Variants in CWC22 observed in about 807,000 individuals in gnomAD.
CWC22 encodes pre-mRNA-splicing factor CWC22 homolog.
CWC22 carries 53 observed loss-of-function variants against 117.2 expected under a neutral mutation model. The ratio of observed to expected loss-of-function variants is 0.45; its 90% CI spans 0.36 to 0.57. The LOEUF is 0.57. CWC22 is among the 20% of genes least tolerant of loss of function. The probability of loss-of-function intolerance (pLI) is 0.00; values close to 1 mark genes in which losing one functional copy is unlikely to be tolerated. For synonymous variants in CWC22, 360 were observed against 355.6 expected (o/e 1.01, Z -0.14); for missense variants, 980 against 1,068.8 (o/e 0.92, Z 1.16).
intron 4 of CWC22, among the ~76,000 whole-genome samples, chr2:179,982,747 C>A (rs1687316821): frequency 6.6e-6 from 1 of 152,096 alleles, no homozygotes; most frequent in African/African-American, 2.4e-5. Flanking sequence ...TTAAAACAAT[C>A]AAGGTACAGT....
At chr2:179,998,270 G>A (rs1199653264) in intron 1 of CWC22, among the ~76,000 whole-genome samples, 1 of 152,132 alleles carries the variant, frequency 6.6e-6, no homozygotes, top group African/African-American at 2.4e-5. Flanking sequence ...AAGGGAAACA[G>A]AAAATCCAAA....
intron 8 of CWC22, among the ~76,000 whole-genome samples, chr2:179,971,713 A>C (rs1186068993): frequency 6.6e-6 from 1 of 152,212 alleles, no homozygotes; most frequent in East Asian, 1.9e-4. Flanking sequence ...GTGGGAATAA[A>C]ATTCTATTGA....
intron 12 of CWC22, 60 bp from the exon 13 acceptor site, chr2:179,964,688 T>C: frequency 1.3e-6 from 1 of 795,072 alleles, no homozygotes; most frequent in Non-Finnish European, 2.1e-6. Context: ...AGTTAAAATG[T>C]AACTCTGTAT....
At chr2:179,970,271 T>C (rs543779031) in intron 11 of CWC22, among the ~76,000 whole-genome samples, 27 of 152,046 alleles carry the variant, frequency 1.8e-4, no homozygotes, top group Non-Finnish European at 3.7e-4. Flanking sequence ...TGTTGCATAG[T>C]TTAGAGGGAA....
chr2:179,960,697 C>T (rs540394819), intron 13 of CWC22, among the ~76,000 whole-genome samples: 5 of 152,048 alleles, frequency 3.3e-5, no homozygotes, highest in East Asian at 1.9e-4. Context: ...CTGGCCACAT[C>T]GTCCCAGAAG....
In CWC22 at chr2:180,005,310, G is replaced by A; in HGVS notation, c.-114+1557C>T. On this transcript the variant is annotated intron_variant, in intron 1 of 19. Coordinates refer to ENST00000410053, the MANE Select transcript of CWC22 (RefSeq NM_020943.3). ...ACTAGGACACTAGCCGGGAGCGGTG[G>A]CTCACGCCTGTAATCCCAGCACTTT... 1.3e-5 allele frequency among the ~76,000 whole-genome samples: 2 copies of A among 152,222 alleles called. 1 individual carries two copies. Among genetic ancestry groups the A allele is most frequent in the Admixed American group, 1.3e-4 (2 of 15,288 alleles).
intron 1 of CWC22, 143 bp downstream of exon 1, chr2:180,006,724 G>C (rs965898629): frequency 6.6e-5 from 10 of 152,288 alleles, no homozygotes; most frequent in African/African-American, 2.4e-4. Context: ...GGACTCCAGA[G>C]GCTCTAAGTA....
chr2:180,003,207 C>T (rs141129939), intron 1 of CWC22, among the ~76,000 whole-genome samples: 191 of 152,304 alleles, frequency 1.3e-3, no homozygotes, highest in Non-Finnish European at 2.0e-3. Flanking sequence ...GATGCCACCC[C>T]CTATTAGTCT....
intron 15 of CWC22, 118 bp downstream of exon 15, chr2:179,954,839 A>C: frequency 1.5e-6 from 1 of 645,606 alleles, no homozygotes; most frequent in Non-Finnish European, 2.7e-6. Flanking sequence ...GAAGGAGAGA[A>C]TAATTTGCTT....
intron 14 of CWC22, among the ~76,000 whole-genome samples, chr2:179,956,463 G>A (rs1484169076): frequency 6.6e-6 from 1 of 151,612 alleles, no homozygotes; most frequent in Non-Finnish European, 1.5e-5. Context: ...CATCAGTACA[G>A]GAAGTTGTAT....
chr2:179,976,820 G>A (rs1687165222), intron 6 of CWC22, among the ~76,000 whole-genome samples: 1 of 152,122 alleles, frequency 6.6e-6, no homozygotes, highest in African/African-American at 2.4e-5. Flanking sequence ...AATTAGTACA[G>A]CCATTATGAA....
intron 19 of CWC22, among the ~76,000 whole-genome samples, chr2:179,948,453 AAG>A (rs1296314938): frequency 2.0e-5 from 3 of 152,140 alleles, no homozygotes; most frequent in African/African-American, 7.2e-5. Flanking sequence ...CTGGAGGAAA[AAG>A]AGATTTGCAT....
Position 179,945,597 on chromosome 2 carries a change from G to C in CWC22, c.2259C>G (p.His753Gln). 1 of 1,613,324 alleles carries C rather than the reference G, an allele frequency of 6.2e-7. No individual in the cohort carries two copies. Among genetic ancestry groups the C allele is most frequent in the Non-Finnish European group, 8.5e-7 (1 of 1,179,632 alleles). ...TTTCTCTCTCAGTCCTTGTTTCCTGGTGCCCGTGTTCTTGTCTTCTTTCTT... is the reference window on the plus strand; with the variant it reads ...TTTCTCTCTCAGTCCTTGTTTCCTGCTGCCCGTGTTCTTGTCTTCTTTCTT... ...KQKERRQEHGHQETRTERERR... is the reference protein window; with the variant it reads ...KQKERRQEHGQQETRTERERR... Residue 753 changes from histidine (H) to glutamine (Q), a missense_variant, in exon 20 of 20, where the codon CAC becomes CAG. By Grantham distance (24) the His-to-Gln change is conservative (BLOSUM62 0). Around this residue, in one of 3 missense-constraint regions of CWC22, gnomAD observed 306 missense variants for 296.8 expected, o/e 1.03. Transcript: ENST00000410053.
At chr2:179,963,240 GACAA>G (rs1219506328) in intron 13 of CWC22, among the ~76,000 whole-genome samples, 4 of 149,330 alleles carry the variant, frequency 2.7e-5, no homozygotes, top group Admixed American at 6.7e-5. Context: ...TTTCTAAAAG[GACAA>G]ACAAATGAAA....
intron 1 of CWC22, among the ~76,000 whole-genome samples, chr2:180,000,336 T>C (rs892122697): frequency 1.3e-4 from 20 of 152,118 alleles, no homozygotes; most frequent in African/African-American, 4.3e-4. Context: ...GCTCTGAAAA[T>C]ACAAAGATTA....
chr2:179,984,472 T>C lies in CWC22; in HGVS notation c.206+2223A>G, dbSNP rs188547794. Reference sequence around the variant, plus strand: ...ATACTAGAAAGTGATGAGAAGGAAATTTTTGGCTGTGGATATCAAAGGATG... The same window carrying C: ...ATACTAGAAAGTGATGAGAAGGAAACTTTTGGCTGTGGATATCAAAGGATG... On this transcript the variant is annotated intron_variant, in intron 4 of 19. Coordinates refer to ENST00000410053, the MANE Select transcript of CWC22 (RefSeq NM_020943.3). Among the ~76,000 whole-genome samples, 580 of 152,074 alleles carry C rather than the reference T, an allele frequency of 3.8e-3. 4 individuals carry two copies. Among genetic ancestry groups the C allele is most frequent in the African/African-American group, 0.014 (563 of 41,514 alleles).
intron 19 of CWC22, among the ~76,000 whole-genome samples, chr2:179,948,077 CTG>C (rs1369481223): frequency 6.6e-6 from 1 of 152,180 alleles, no homozygotes; most frequent in African/African-American, 2.4e-5. Flanking sequence ...ATAGAGAAGA[CTG>C]TGGCAAACCT....
intron 6 of CWC22, among the ~76,000 whole-genome samples, chr2:179,977,124 C>T (rs905595294): frequency 2.6e-5 from 4 of 152,118 alleles, no homozygotes; most frequent in South Asian, 2.1e-4. Flanking sequence ...CACTGTACTC[C>T]GGCCTGACAA....
intron 1 of CWC22, among the ~76,000 whole-genome samples, chr2:179,996,251 G>T (rs1237382409): frequency 1.3e-5 from 2 of 152,136 alleles, no homozygotes; most frequent in African/African-American, 4.8e-5. Context: ...ATGCTGAGAT[G>T]ATCCAGATCC....
Sources: allele counts gnomAD v4.1 joint callset (sites outside exome capture counted in the v4.1 genomes callset), GRCh38; gene constraint gnomAD v4.1.1; regional missense constraint gnomAD v4.1.1; transcripts MANE v1.5; gene names NCBI Gene and HGNC (gene_info 2026-07-23, HGNC 2026-07-21).